The following KCNQ2 variants were observed in gnomAD, a reference collection of about 807,000 sequenced individuals.
KCNQ2 encodes the protein potassium voltage-gated channel subfamily Q member 2.
Under a neutral mutation model 84.8 loss-of-function variants are expected in KCNQ2, and 14 were observed. The observed-to-expected ratio is 0.17, with a 90% CI of 0.11 to 0.26. The LOEUF is 0.26. Ranked by LOEUF, KCNQ2 falls within the 10% of genes least tolerant of loss-of-function variation. The pLI is 1.00. For synonymous variants in KCNQ2, 599 were observed against 554.1 expected, an observed-to-expected ratio of 1.08 and a Z score of -1.14; for missense variants, 788 against 1,254.0, an observed-to-expected ratio of 0.63 and a Z score of 5.61.
intron 1 of KCNQ2, among the ~76,000 whole-genome samples, chr20:63,447,188 C>A (rs1452152721): frequency 1.3e-5 from 2 of 152,194 alleles, no homozygotes; most frequent in Non-Finnish European, 2.9e-5. Context: ...AACTCTCAGT[C>A]AAATGGGAAC....
At chr20:63,432,458 CT>C (rs2080842747) in intron 8 of KCNQ2, among the ~76,000 whole-genome samples, 2 of 125,240 alleles carry the variant, frequency 1.6e-5, no homozygotes, top group Non-Finnish European at 3.5e-5. Context: ...ACAGGGAAGG[CT>C]CCACCCACAG....
chr20:63,444,317 C>T (rs889262596), intron 4 of KCNQ2, among the ~76,000 whole-genome samples: 4 of 152,222 alleles, frequency 2.6e-5, no homozygotes, highest in African/African-American at 9.6e-5. Flanking sequence ...TGTATTGATC[C>T]AGGCACTAAA....
At chr20:63,426,756 C>T (rs2080646581) in intron 10 of KCNQ2, among the ~76,000 whole-genome samples, 1 of 152,140 alleles carries the variant, frequency 6.6e-6, no homozygotes, top group South Asian at 2.1e-4. Context: ...CTTCCAACAC[C>T]TGCATCCTCA....
intron 1 of KCNQ2, among the ~76,000 whole-genome samples, chr20:63,464,177 T>C (rs2082025321): frequency 6.6e-6 from 1 of 151,594 alleles, no homozygotes; most frequent in South Asian, 2.1e-4. Flanking sequence ...AAACCACCAC[T>C]CCCCCTGCGA....
At chr20:63,444,555 C>T in intron 4 of KCNQ2, 104 bp downstream of exon 4, 1 of 1,000,018 alleles carries the variant, frequency 1.0e-6, no homozygotes, top group Non-Finnish European at 1.4e-6. Flanking sequence ...CATCCCTCCA[C>T]CCAGGGCTCT....
At chr20:63,416,025 G>A (rs1238171412) in intron 12 of KCNQ2, among the ~76,000 whole-genome samples, 4 of 152,096 alleles carry the variant, frequency 2.6e-5, no homozygotes, top group Non-Finnish European at 4.4e-5. Context: ...CTTCAGGAGG[G>A]CTCAGGCCTC....
chr20:63,416,312 G>C (rs904220908), intron 12 of KCNQ2, among the ~76,000 whole-genome samples: 2 of 152,212 alleles, frequency 1.3e-5, no homozygotes, highest in Non-Finnish European at 2.9e-5. Context: ...GAGTTTTTTG[G>C]TGACCGTGGA....
chr20:63,442,875 T>C (rs1357446048), intron 4 of KCNQ2, among the ~76,000 whole-genome samples: 8 of 2,298 alleles, frequency 3.5e-3, no homozygotes, highest in African/African-American at 7.0e-3. Context: ...ACCATCACCA[T>C]TATCACCACC....
intron 1 of KCNQ2, among the ~76,000 whole-genome samples, chr20:63,461,551 T>G (rs577746709): frequency 6.6e-5 from 10 of 152,286 alleles, no homozygotes; most frequent in Admixed American, 2.6e-4. Context: ...CAGCTCCTGG[T>G]CAGGACCATG....
chr20:63,420,053 C>T (rs966954959), intron 11 of KCNQ2, among the ~76,000 whole-genome samples: 2 of 152,258 alleles, frequency 1.3e-5, no homozygotes, highest in African/African-American at 4.8e-5. Context: ...CGGGAAAGGG[C>T]GTGGGTGTGA....
In KCNQ2 at chr20:63,421,392, G is replaced by A. The variant is rs569983152; in HGVS notation, c.1248-1720C>T. ...CAACGTGGTCTGAGAGCCGGGGAGA[G>A]CTGGCAGGGAGGCGCTGCAGGCACA... On this transcript the variant is annotated intron_variant, in intron 11 of 16. Coordinates refer to ENST00000359125, the MANE Select transcript of KCNQ2 (RefSeq NM_172107.4). Among the ~76,000 whole-genome samples, 13 of 152,336 alleles carry A rather than the reference G, an allele frequency of 8.5e-5. No individual in the cohort carries two copies. In the South Asian group the frequency reaches 2.3e-3, roughly 27 times the overall value.
intron 7 of KCNQ2, among the ~76,000 whole-genome samples, chr20:63,436,838 G>A (rs1423040566): frequency 4.0e-5 from 6 of 148,798 alleles, no homozygotes; most frequent in Admixed American, 2.7e-4. Flanking sequence ...ATGCAGTGGC[G>A]CAATCTCGGC....
chr20:63,419,657 G>C lies in KCNQ2; in HGVS notation c.1263C>G (p.Cys421Trp). Residue 421 changes from cysteine to tryptophan, a missense_variant, in exon 12 of 17, where the codon TGC (cysteine) becomes TGG (tryptophan). Transcript: ENST00000359125. ...GGCAGCATCCACACAGGGGCCCTCT[G>C]CACGGGCTGCCTTTACTGGAAATGA... ...PEPSPSKGSP[C>W]RGPLCGCCPG... is the part of the protein sequence containing the mutation. 1 of 1,611,396 alleles carries C rather than the reference G, an allele frequency of 6.2e-7. No homozygotes were observed. The highest frequency in any genetic ancestry group is 8.5e-7 in the Non-Finnish European group (1 of 1,179,484).
chr20:63,424,044 G>A (rs1393773401), intron 11 of KCNQ2, 133 bp downstream of exon 11: 16 of 988,180 alleles, frequency 1.6e-5, no homozygotes, highest in East Asian at 2.6e-5. Flanking sequence ...GTCTGGACCC[G>A]CAGTCACACA....
chr20:63,413,441 G>A lies in KCNQ2; in HGVS notation c.1763+9C>T. The A allele has an allele frequency of 6.2e-7, 1 of 1,612,972 alleles. No individual in the cohort carries two copies. Among genetic ancestry groups the A allele is most frequent in the Non-Finnish European group, 8.5e-7 (1 of 1,179,968 alleles). On this transcript the variant is annotated intron_variant, in intron 15 of 16. Transcript: ENST00000359125. ...TGTCCCCTGCTGGACAGGCAGGCGGGGCTCTTGCCTGGACTGCAGGCTCTT... is the reference window on the plus strand; with the variant it reads ...TGTCCCCTGCTGGACAGGCAGGCGGAGCTCTTGCCTGGACTGCAGGCTCTT...
chr20:63,469,666 C>T (rs1337572382), intron 1 of KCNQ2, among the ~76,000 whole-genome samples: 2 of 152,278 alleles, frequency 1.3e-5, no homozygotes, highest in African/African-American at 4.8e-5. Context: ...TATTCAGCCA[C>T]AGCTGGGTGC....
chr20:63,411,476 C>T (rs1347393458), intron 15 of KCNQ2, among the ~76,000 whole-genome samples: 1 of 152,144 alleles, frequency 6.6e-6, no homozygotes, highest in African/African-American at 2.4e-5. Flanking sequence ...AGGTGCTGCC[C>T]GGGGGCCTCC....
In KCNQ2 at chr20:63,460,664, G is replaced by A. The variant is rs929459556; in HGVS notation, c.296+11504C>T. Among the ~76,000 whole-genome samples the A allele has an allele frequency of 6.6e-6, 1 of 152,200 alleles. No individual in the cohort carries two copies. The highest frequency in any genetic ancestry group is 1.5e-5 in the Non-Finnish European group (1 of 68,038). ...ACAAGCCCCTCCTGGGCCAGCCTGCGTCCTCCCTCTCCCCTCACCAGCCTT... is the reference window on the plus strand; with the variant it reads ...ACAAGCCCCTCCTGGGCCAGCCTGCATCCTCCCTCTCCCCTCACCAGCCTT... On this transcript the variant is annotated intron_variant, in intron 1 of 16. Transcript: ENST00000359125. The surrounding 1 kb of genome is among the most constrained non-coding windows in gnomAD (Gnocchi z 5.4).
chr20:63,412,640 C>T (rs570128803), intron 15 of KCNQ2, among the ~76,000 whole-genome samples: 10 of 152,326 alleles, frequency 6.6e-5, no homozygotes, highest in Admixed American at 1.3e-4. Flanking sequence ...CTGGAGGGCC[C>T]GGAGTTGGGC....
Sources: gnomAD v4.1 joint callset for allele counts (sites outside exome capture counted in the v4.1 genomes callset) on GRCh38, gnomAD v4.1.1 for gene constraint, Gnocchi (gnomAD v3.1) non-coding constraint, MANE v1.5 for transcripts, NCBI Gene and HGNC (gene_info 2026-07-23, HGNC 2026-07-21) for gene names.